Variants in NRXN3 observed in about 807,000 individuals in gnomAD.
NRXN3 encodes neurexin 3.
Under a neutral mutation model 137.6 loss-of-function variants are expected in NRXN3, and 32 were observed. The ratio of observed to expected loss-of-function variants is 0.23; its 90% CI spans 0.18 to 0.31. NRXN3 has a LOEUF of 0.31. Among genes scored for constraint, NRXN3 ranks in the 10% least tolerant of loss-of-function variants. The pLI is 1.00. For synonymous variants in NRXN3, 798 were observed against 784.5 expected (o/e 1.02, Z -0.29); for missense variants, 1,574 against 2,062.5 (o/e 0.76, Z 4.59).
At chr14:79,693,177 G>A (rs1052735951) in intron 18 of NRXN3, among the ~76,000 whole-genome samples, 11 of 151,782 alleles carry the variant, frequency 7.2e-5, no homozygotes, top group Admixed American at 3.3e-4. Flanking sequence ...CGTATTCTTT[G>A]TTGTTGTTGT....
chr14:78,721,613 T>G (rs148702421), intron 8 of NRXN3, among the ~76,000 whole-genome samples: 41 of 152,344 alleles, frequency 2.7e-4, no homozygotes, highest in African/African-American at 9.6e-4. Flanking sequence ...TCTCCCTGAT[T>G]CATTCATCCA....
intron 15 of NRXN3, among the ~76,000 whole-genome samples, chr14:79,082,456 G>T (rs1351210490): frequency 6.6e-6 from 1 of 151,490 alleles, no homozygotes; most frequent in Non-Finnish European, 1.5e-5. Context: ...ATGGCACAGG[G>T]GCTCTCAAAA....
intron 15 of NRXN3, among the ~76,000 whole-genome samples, chr14:79,333,948 T>C (rs980800448): frequency 3.3e-5 from 5 of 152,196 alleles, no homozygotes; most frequent in African/African-American, 1.2e-4. Flanking sequence ...TACTGCTGTG[T>C]GCCGATCTTG....
chr14:78,966,404 G>A lies in NRXN3; in HGVS notation c.2775G>A (p.Lys925=). ...ACTTCATTGCAGTCGAGCTTGTCAA[G>A]GGGTAAGTAGAAGGGATCACGACTT... The part of the protein sequence containing the change: ...GNDFIAVELV[K]GYIHYVFDLG... The change falls in exon 12 of 21, where the codon AAG becomes AAA. Residue 925 remains lysine, a splice_region_variant and synonymous_variant. Coordinates refer to ENST00000335750, the MANE Select transcript of NRXN3 (RefSeq NM_001330195.2). 1.9e-6 allele frequency: 3 copies of A among 1,611,442 alleles called. No homozygotes were observed. Among genetic ancestry groups the A allele is most frequent in the Non-Finnish European group, 2.5e-6 (3 of 1,177,944 alleles).
chr14:79,430,959 T>C (rs2095742881), intron 15 of NRXN3, among the ~76,000 whole-genome samples: 1 of 152,202 alleles, frequency 6.6e-6, no homozygotes, highest in East Asian at 1.9e-4. Context: ...TTCCAAAAAG[T>C]GACCACATAG....
At chr14:79,332,414 G>A (rs538073410) in intron 15 of NRXN3, among the ~76,000 whole-genome samples, 1 of 152,136 alleles carries the variant, frequency 6.6e-6, no homozygotes, top group African/African-American at 2.4e-5. Context: ...GTTCCAGTCC[G>A]CAATACGTCC....
chr14:78,994,150 G>T (rs1323739288), intron 15 of NRXN3, among the ~76,000 whole-genome samples: 1 of 151,980 alleles, frequency 6.6e-6, no homozygotes, highest in African/African-American at 2.4e-5. Context: ...CACTGCGCCT[G>T]GCTGCCTTGA....
At chr14:78,645,771 G>T (rs924627030) in intron 5 of NRXN3, among the ~76,000 whole-genome samples, 3 of 151,730 alleles carry the variant, frequency 2.0e-5, no homozygotes, top group African/African-American at 7.3e-5. Flanking sequence ...ATTCAATTAG[G>T]GACTGCATTT....
intron 4 of NRXN3, among the ~76,000 whole-genome samples, chr14:78,538,176 G>A (rs1397610156): frequency 2.0e-5 from 3 of 152,108 alleles, no homozygotes; most frequent in African/African-American, 7.2e-5. Context: ...TAATGGGGAT[G>A]GCATTGAATC....
At chr14:78,920,708 C>T (rs777736843) in intron 10 of NRXN3, among the ~76,000 whole-genome samples, 1 of 152,180 alleles carries the variant, frequency 6.6e-6, no homozygotes, top group Non-Finnish European at 1.5e-5. Flanking sequence ...ACCCCCTCCA[C>T]CCCTCAGTTT....
chr14:79,837,977 G>T (rs2293832), intron 20 of NRXN3, among the ~76,000 whole-genome samples: 110,978 of 152,036 alleles, frequency 0.73, 40,965 homozygotes, highest in East Asian at 0.91. Flanking sequence ...GGACAAAGTG[G>T]TAATGACCTG....
chr14:79,106,142 G>A (rs1055275803), intron 15 of NRXN3, among the ~76,000 whole-genome samples: 1 of 151,882 alleles, frequency 6.6e-6, no homozygotes, highest in Non-Finnish European at 1.5e-5. Context: ...CTTCAGTATG[G>A]TAGCATAGAC....
chr14:78,440,281 C>T (rs968517812), intron 4 of NRXN3, among the ~76,000 whole-genome samples: 4 of 152,122 alleles, frequency 2.6e-5, no homozygotes, highest in African/African-American at 9.7e-5. Context: ...GGAAGCTGCC[C>T]ACCCCTGGCA....
rs1482091577 is a variant in NRXN3, at chr14:78,537,751, T to C, written c.758-107369T>C. ...GGTTTTTATGGTTTTGGATCTAACATTTAAGTCTTTAATCCATCTTGAATT... is the reference window on the plus strand; with the variant it reads ...GGTTTTTATGGTTTTGGATCTAACACTTAAGTCTTTAATCCATCTTGAATT... On this transcript the variant is annotated intron_variant, in intron 4 of 20. Coordinates refer to ENST00000335750, the MANE Select transcript of NRXN3 (RefSeq NM_001330195.2). Among the ~76,000 whole-genome samples the C allele has an allele frequency of 1.3e-5, 2 of 152,222 alleles. 1 individual carries two copies. The highest frequency in any genetic ancestry group is 3.8e-4 in the East Asian group (2 of 5,206).
At chr14:79,093,516 A>G (rs1304477447) in intron 15 of NRXN3, among the ~76,000 whole-genome samples, 4 of 152,170 alleles carry the variant, frequency 2.6e-5, no homozygotes, top group African/African-American at 9.6e-5. Flanking sequence ...TGCTGGGGTG[A>G]GTGATGTTGA....
chr14:79,781,070 C>G (rs996416143), intron 19 of NRXN3, among the ~76,000 whole-genome samples: 1 of 151,890 alleles, frequency 6.6e-6, no homozygotes, highest in Non-Finnish European at 1.5e-5. Context: ...TTAACTAAAC[C>G]CTTAAAACTA....
intron 4 of NRXN3, among the ~76,000 whole-genome samples, chr14:78,545,174 G>A (rs2096625901): frequency 6.6e-6 from 1 of 152,176 alleles, no homozygotes; most frequent in Non-Finnish European, 1.5e-5. Flanking sequence ...AACCAGAACT[G>A]ACAGGAGCAA....
At chr14:79,407,034 G>A (rs375546578) in intron 15 of NRXN3, among the ~76,000 whole-genome samples, 1 of 152,114 alleles carries the variant, frequency 6.6e-6, no homozygotes, top group African/African-American at 2.4e-5. Context: ...TAGACGATCA[G>A]GGATGCTATA....
chr14:79,427,830 CAAAA>C (rs72009535), intron 15 of NRXN3, among the ~76,000 whole-genome samples: 1 of 119,386 alleles, frequency 8.4e-6, no homozygotes, highest in African/African-American at 3.4e-5. Context: ...GACTCCATCT[CAAAA>C]AAAAAAAAAA....
Sources: gnomAD v4.1 joint callset for allele counts (sites outside exome capture counted in the v4.1 genomes callset) on GRCh38, gnomAD v4.1.1 for gene constraint, MANE v1.5 for transcripts, NCBI Gene and HGNC (gene_info 2026-07-23, HGNC 2026-07-21) for gene names.